BICD2: variants seen among roughly 807,000 people sequenced by gnomAD.
BICD2 encodes BICD cargo adaptor 2.
BICD2 carries 25 observed loss-of-function variants against 72.9 expected under a neutral mutation model. The ratio of observed to expected loss-of-function variants is 0.34; its 90% CI spans 0.25 to 0.48. The LOEUF is 0.48. Among genes scored for constraint, BICD2 ranks in the 20% least tolerant of loss-of-function variants. BICD2 has a pLI of 0.99. For missense variants in BICD2, 894 were observed against 1,175.2 expected, an observed-to-expected ratio of 0.76 and a Z score of 3.50; for synonymous variants, 501 against 516.1, an observed-to-expected ratio of 0.97 and a Z score of 0.40.
intron 1 of BICD2, among the ~76,000 whole-genome samples, chr9:92,759,693 G>A (rs1260543756): frequency 2.6e-5 from 4 of 152,224 alleles, no homozygotes; most frequent in Admixed American, 2.6e-4. Flanking sequence ...TGCTTTACCT[G>A]TCAAAGCCTG....
intron 1 of BICD2, among the ~76,000 whole-genome samples, chr9:92,732,935 A>T (rs1853705169): frequency 6.6e-6 from 1 of 152,260 alleles, no homozygotes; most frequent in African/African-American, 2.4e-5. Flanking sequence ...AAAGATAATT[A>T]ACTTGAAATT....
intron 2 of BICD2, among the ~76,000 whole-genome samples, chr9:92,723,101 T>C (rs994859689): frequency 6.6e-6 from 1 of 152,194 alleles, no homozygotes; most frequent in African/African-American, 2.4e-5. Context: ...GGGTTAAAAG[T>C]AGTTCCTGCC....
intron 1 of BICD2, among the ~76,000 whole-genome samples, chr9:92,736,558 T>C (rs1853791951): frequency 6.6e-6 from 1 of 152,246 alleles, no homozygotes; most frequent in Non-Finnish European, 1.5e-5. Context: ...ATAAGTATCC[T>C]TAAGCCAGCA....
At chr9:92,744,884 T>C (rs1853977182) in intron 1 of BICD2, among the ~76,000 whole-genome samples, 1 of 151,876 alleles carries the variant, frequency 6.6e-6, no homozygotes, top group Admixed American at 6.6e-5. Flanking sequence ...GAATAGCAAA[T>C]GTACCCAAGG....
intron 1 of BICD2, among the ~76,000 whole-genome samples, chr9:92,762,161 A>G (rs1485851935): frequency 6.6e-6 from 1 of 152,222 alleles, no homozygotes. Context: ...AAAGTTTTCT[A>G]AAGAATTAAG....
In BICD2 at chr9:92,764,727, C is replaced by T. The variant is rs2131542789; in HGVS notation, c.18G>A (p.Glu6=). 1.3e-6 allele frequency: 2 copies of T among 1,575,258 alleles called. No homozygotes were observed. The highest frequency in any genetic ancestry group is 1.7e-6 in the Non-Finnish European group (2 of 1,169,148). MSAPS[E]EEEYARLVME... ...TCACCAGCCGCGCGTACTCCTCCTC[C>T]TCCGACGGCGCCGACATGGTGGCCG... is the stretch of plus-strand genomic sequence containing the variant. Residue 6 remains glutamate, a synonymous_variant, in exon 1 of 7, where the codon GAG becomes GAA. Transcript: ENST00000356884. The surrounding 1 kb of genome is among the most constrained non-coding windows in gnomAD (Gnocchi z 5.5).
Position 92,720,517 on chromosome 9 carries a change from C to T in BICD2, c.845G>A (p.Gly282Asp), listed in dbSNP as rs778828848. 2.5e-6 allele frequency: 4 copies of T among 1,614,184 alleles called. No homozygotes were observed. The highest frequency in any genetic ancestry group is 1.7e-5 in the Admixed American group (1 of 60,030). ...GGCAGCATCGTCACTGAACTTGAGG[C>T]CATCCAGCGAGACATGCAGGTGGCT... ...YTSHLHVSLD[G>D]LKFSDDAAEP... The change falls in exon 4 of 7, where the codon GGC becomes GAC. Residue 282 changes from glycine (G) to aspartate (D), a missense_variant. By Grantham distance (94) the Gly-to-Asp change is moderately conservative. Around this residue, in one of 5 missense-constraint regions of BICD2, gnomAD observed 371 missense variants for 439.1 expected, o/e 0.84. Transcript: ENST00000356884. The surrounding 1 kb of genome is among the most constrained non-coding windows in gnomAD (Gnocchi z 5.4).
At chr9:92,763,793 C>G (rs878610) in intron 1 of BICD2, among the ~76,000 whole-genome samples, 43,051 of 152,052 alleles carry the variant, frequency 0.28, 7,105 homozygotes, top group East Asian at 0.76. Flanking sequence ...GCCCGAGAAG[C>G]GGGGCTGGAC....
intron 1 of BICD2, among the ~76,000 whole-genome samples, chr9:92,751,217 C>T (rs1168237002): frequency 6.6e-6 from 1 of 151,788 alleles, no homozygotes; most frequent in Non-Finnish European, 1.5e-5. Flanking sequence ...GTGGTACAAT[C>T]TCGGCTCACT....
At chr9:92,751,157 TG>T (rs1230600356) in intron 1 of BICD2, among the ~76,000 whole-genome samples, 1 of 151,534 alleles carries the variant, frequency 6.6e-6, no homozygotes, top group African/African-American at 2.4e-5. Context: ...TTGTTGTTGT[TG>T]TTGTTGTTTT....
intron 1 of BICD2, among the ~76,000 whole-genome samples, chr9:92,746,111 T>C (rs1424703295): frequency 6.6e-6 from 1 of 152,126 alleles, no homozygotes; most frequent in Non-Finnish European, 1.5e-5. Context: ...TGACACATGG[T>C]CCCTCCCTCC....
chr9:92,737,965 TCCCTCCCTCCTCAGCCACATAGGC>T (rs1398831517), intron 1 of BICD2, among the ~76,000 whole-genome samples: 1 of 152,198 alleles, frequency 6.6e-6, no homozygotes, highest in Non-Finnish European at 1.5e-5. Flanking sequence ...AGAATCTCTT[TCCCTCCCTCCTCAGCCACATAGGC>T]CTCCTGCTTC....
rs1430685104 is a variant in BICD2, at chr9:92,712,136, G to C, written c.*3018C>G. ...CTGATACCCTCAGCTCTTCACAAAC[G>C]TGGCGTTCATACAGCTTGCTCAGCT... On this transcript the variant is annotated 3_prime_UTR_variant, in exon 7 of 7. Transcript: ENST00000356884. 1 of 152,562 alleles carries C rather than the reference G, an allele frequency of 6.6e-6. No individual in the cohort carries two copies. Among genetic ancestry groups the C allele is most frequent in the Admixed American group, 6.5e-5 (1 of 15,274 alleles). 9.5% of individuals were successfully genotyped at this position (152,562 alleles called of 1,614,324 possible).
At chr9:92,737,355 C>T (rs762779991) in intron 1 of BICD2, among the ~76,000 whole-genome samples, 2 of 152,190 alleles carry the variant, frequency 1.3e-5, no homozygotes, top group Admixed American at 6.5e-5. Flanking sequence ...TTGTTCTCCT[C>T]TCCAGGCATC....
chr9:92,735,253 C>T (rs1265310650), intron 1 of BICD2, among the ~76,000 whole-genome samples: 1 of 152,186 alleles, frequency 6.6e-6, no homozygotes, highest in Non-Finnish European at 1.5e-5. Flanking sequence ...GCACAATCAT[C>T]TGTGCCTAAG....
Position 92,713,124 on chromosome 9 carries a change from C to A in BICD2, c.*2030G>T, listed in dbSNP as rs1211189260. 4 of 342,776 alleles carry A rather than the reference C, an allele frequency of 1.2e-5. No individual in the cohort carries two copies. Among genetic ancestry groups the A allele is most frequent in the Admixed American group, 8.7e-5 (2 of 23,048 alleles). 21.2% of individuals were successfully genotyped at this position (342,776 alleles called of 1,614,324 possible). On this transcript the variant is annotated 3_prime_UTR_variant, in exon 7 of 7. Coordinates refer to ENST00000356884, the MANE Select transcript of BICD2 (RefSeq NM_001003800.2). ...AAATATCAAAAGTGCACAGGTTGATCGGATAAAAAAAGAACATGTGTAACA... is the reference window on the plus strand; with the variant it reads ...AAATATCAAAAGTGCACAGGTTGATAGGATAAAAAAAGAACATGTGTAACA...
intron 1 of BICD2, among the ~76,000 whole-genome samples, chr9:92,756,971 T>C (rs1443479628): frequency 7.9e-5 from 12 of 151,594 alleles, no homozygotes. Flanking sequence ...AGCATAAAAA[T>C]AGAGTAGCCA....
chr9:92,747,820 GCC>G (rs1283681733), intron 1 of BICD2, among the ~76,000 whole-genome samples: 1 of 152,174 alleles, frequency 6.6e-6, no homozygotes, highest in Non-Finnish European at 1.5e-5. Flanking sequence ...AGGAGCCCAA[GCC>G]CAGCAAGTGG....
intron 1 of BICD2, among the ~76,000 whole-genome samples, chr9:92,743,601 G>A (rs1236008042): frequency 6.6e-6 from 1 of 152,062 alleles, no homozygotes; most frequent in East Asian, 1.9e-4. Flanking sequence ...GTTCTCAGGA[G>A]AACCCATGTT....
Sources: gnomAD v4.1 joint callset for allele counts (sites outside exome capture counted in the v4.1 genomes callset) on GRCh38, gnomAD v4.1.1 for gene constraint, gnomAD v4.1.1 regional missense constraint, Gnocchi (gnomAD v3.1) non-coding constraint, MANE v1.5 for transcripts, NCBI Gene and HGNC (gene_info 2026-07-23, HGNC 2026-07-21) for gene names.